The following HEPH variants were observed in gnomAD, a reference collection of about 807,000 sequenced individuals.
HEPH encodes the protein hephaestin.
HEPH carries 69 observed loss-of-function variants against 80.8 expected under a neutral mutation model. The observed-to-expected ratio is 0.85, with a 90% CI of 0.70 to 1.04. HEPH has a LOEUF of 1.04. Among genes scored for constraint, HEPH ranks in the 50% least tolerant of loss-of-function variants. The pLI is 0.00. For synonymous variants in HEPH, 431 were observed against 322.8 expected (o/e 1.34, Z -3.60); for missense variants, 1,115 against 891.3 (o/e 1.25, Z -3.20).
At chrX:66,189,559 A>G in intron 5 of HEPH, 125 bp from the exon 6 acceptor site, 1 of 688,190 alleles carries the variant, frequency 1.5e-6, no homozygotes, top group Non-Finnish European at 2.2e-6. Flanking sequence ...GATAATACAT[A>G]GGTCAACACA....
intron 4 of HEPH, among the ~76,000 whole-genome samples, chrX:66,186,447 G>A (rs1046099785): frequency 1.8e-5 from 2 of 112,233 alleles, no homozygotes; most frequent in Non-Finnish European, 3.8e-5. Flanking sequence ...CAATATTCGG[G>A]TGGGAGTGAC....
In HEPH at chrX:66,188,363, C is replaced by T; in HGVS notation, c.630C>T (p.Ala210=). The T allele has an allele frequency of 8.5e-7, 1 of 1,183,116 alleles. No individual in the cohort carries two copies. Among genetic ancestry groups the T allele is most frequent in the African/African-American group, 1.7e-5 (1 of 57,222 alleles). ...AAACTGTCTTACTTGCCCTAGGAGC[C>T]CTGGATGGGAACTCCCCTCCTCAAC... The part of the protein sequence containing the change: ...IGPLITCKRG[A]LDGNSPPQRQ... The change falls in exon 5 of 21, where the codon GCC becomes GCT. Residue 210 remains alanine (A), a synonymous_variant. Transcript: ENST00000343002.
At chrX:66,239,898 C>A (rs760947073) in intron 15 of HEPH, among the ~76,000 whole-genome samples, 1 of 111,748 alleles carries the variant, frequency 8.9e-6, no homozygotes, top group Non-Finnish European at 1.9e-5. Flanking sequence ...CTCCCACCTT[C>A]GTCACCCTTG....
At chrX:66,188,297 C>T in intron 4 of HEPH, 62 bp from the exon 5 acceptor site, 2 of 915,132 alleles carry the variant, frequency 2.2e-6, no homozygotes, top group East Asian at 3.4e-5. Flanking sequence ...ATGAGTACCC[C>T]TTTCAGCTTA....
chrX:66,192,142 C>A lies in HEPH; in HGVS notation c.1076C>A (p.Ala359Glu). Residue 359 changes from alanine to glutamate, a missense_variant, in exon 7 of 21, where the codon GCA becomes GAA. Transcript: ENST00000343002. Reference protein sequence around the residue: ...VNSHFRDGMQALYKVKSCSMA... With the variant: ...VNSHFRDGMQELYKVKSCSMA... ...GTTCTTCCTTCAGATGGCATGCAGG[C>A]ACTCTACAAGGTCAAGTCTTGCTCC... The A allele has an allele frequency of 8.3e-7, 1 of 1,206,129 alleles. No individual in the cohort carries two copies. Among genetic ancestry groups the A allele is most frequent in the Non-Finnish European group, 1.1e-6 (1 of 892,632 alleles).
chrX:66,237,909 AG>A (rs1435624630), intron 15 of HEPH, among the ~76,000 whole-genome samples: 4 of 111,826 alleles, frequency 3.6e-5, no homozygotes, highest in Non-Finnish European at 5.6e-5. Context: ...GTTGGTTTAA[AG>A]TCTGTTTTGT....
chrX:66,181,646 G>T (rs1161940734), intron 4 of HEPH, among the ~76,000 whole-genome samples: 3 of 24,020 alleles, frequency 1.2e-4, no homozygotes, highest in Non-Finnish European at 2.3e-4. Flanking sequence ...CCATGTTGTA[G>T]GTTGCCTGTT....
At chrX:66,196,831 C>T (rs1441180680) in intron 9 of HEPH, among the ~76,000 whole-genome samples, 2 of 109,892 alleles carry the variant, frequency 1.8e-5, no homozygotes, top group East Asian at 5.6e-4. Context: ...GTATTTATTG[C>T]ATATATTATT....
chrX:66,246,208 G>T (rs2090799245), intron 15 of HEPH, among the ~76,000 whole-genome samples: 1 of 112,044 alleles, frequency 8.9e-6, no homozygotes, highest in Non-Finnish European at 1.9e-5. Flanking sequence ...AGCTGAATAG[G>T]ACTGAGTTCA....
chrX:66,222,929 G>A (rs1009338079), intron 15 of HEPH, among the ~76,000 whole-genome samples: 1 of 111,903 alleles, frequency 8.9e-6, no homozygotes, highest in Non-Finnish European at 1.9e-5. Flanking sequence ...ATAGATGAAA[G>A]AGTTAAATTT....
intron 15 of HEPH, among the ~76,000 whole-genome samples, chrX:66,242,931 A>G (rs1235526982): frequency 8.9e-6 from 1 of 112,107 alleles, no homozygotes; most frequent in Non-Finnish European, 1.9e-5. Flanking sequence ...AAATTAGTTT[A>G]GTCACTGTGG....
At chrX:66,221,498 G>T (rs762606143) in intron 15 of HEPH, among the ~76,000 whole-genome samples, 1 of 112,607 alleles carries the variant, frequency 8.9e-6, no homozygotes, top group Non-Finnish European at 1.9e-5. Flanking sequence ...GGGTTATTTT[G>T]TCTGCTTCTT....
rs372019776 is a variant in HEPH at position 66,199,360 on chromosome X, T to TCC, written c.1864+342_1864+343dup. On this transcript the variant is annotated intron_variant, in intron 11 of 20. Coordinates refer to ENST00000343002, the MANE Select transcript of HEPH (RefSeq NM_001367233.3). The stretch of plus-strand genomic sequence containing the variant: ...CTTCCTTATATTTTAGTACCTTGGG[T>TCC]CCCCCCCCCCCATACTCCAGCCAAC... 3.6e-3 allele frequency among the ~76,000 whole-genome samples: 340 copies of TCC among 93,904 alleles called. 3 individuals are homozygous for TCC. Among genetic ancestry groups the TCC allele is most frequent in the African/African-American group, 9.8e-3 (245 of 25,063 alleles). 81.5% of individuals were successfully genotyped at this position (93,904 alleles called of 115,157 possible). A position where few individuals can be genotyped will look rare whatever the true frequency, so the allele number is the denominator to read the frequency against.
At chrX:66,237,671 T>C (rs1477958338) in intron 15 of HEPH, among the ~76,000 whole-genome samples, 4 of 112,165 alleles carry the variant, frequency 3.6e-5, no homozygotes, top group African/African-American at 1.3e-4. Context: ...ATGTTGAATA[T>C]CTTTGTTCAT....
intron 1 of HEPH, among the ~76,000 whole-genome samples, chrX:66,168,985 A>G (rs2086480674): frequency 9.0e-6 from 1 of 111,681 alleles, no homozygotes; most frequent in Non-Finnish European, 1.9e-5. Context: ...AGGCATATGT[A>G]TGTTCTCTGT....
chrX:66,202,613 C>A (rs2088520545), intron 12 of HEPH, among the ~76,000 whole-genome samples: 1 of 110,525 alleles, frequency 9.0e-6, no homozygotes, highest in Non-Finnish European at 1.9e-5. Context: ...GTAAGCATCC[C>A]TCTGCAATCA....
chrX:66,229,173 TATAGATATAGACATAGAC>T (rs1297581752), intron 15 of HEPH, among the ~76,000 whole-genome samples: 1 of 112,139 alleles, frequency 8.9e-6, no homozygotes, highest in Non-Finnish European at 1.9e-5. Context: ...GTGAGATAGA[TATAGATATAGACATAGAC>T]ATAGATATAG....
upstream of HEPH, chrX:66,164,156 T>G: frequency 2.3e-4 from 160 of 706,968 alleles, no homozygotes; most frequent in Middle Eastern, 8.3e-4. Flanking sequence ...TAATTCCTCC[T>G]GAGATCCTAA....
chrX:66,230,110 A>AT (rs2090063796), intron 15 of HEPH, among the ~76,000 whole-genome samples: 2 of 97,697 alleles, frequency 2.0e-5, no homozygotes, highest in South Asian at 5.3e-4. Flanking sequence ...TGAACTCATC[A>AT]TTTTTTATGG....
Sources: allele counts gnomAD v4.1 joint callset (sites outside exome capture counted in the v4.1 genomes callset), GRCh38; gene constraint gnomAD v4.1.1; transcripts MANE v1.5; gene names NCBI Gene and HGNC (gene_info 2026-07-23, HGNC 2026-07-21).